The following NICN1 variants were observed in gnomAD, a reference collection of about 807,000 sequenced individuals.
The protein encoded by NICN1 is nicolin-1.
In NICN1, 18 loss-of-function variants were observed where a neutral mutation model predicts 26.3. That is an observed-to-expected ratio of 0.68 (90% CI 0.47 to 1.01). NICN1 has a LOEUF of 1.01. Ranked by LOEUF, NICN1 falls within the 50% of genes least tolerant of loss-of-function variation. The probability of loss-of-function intolerance (pLI) is 0.00; values close to 1 mark genes in which losing one functional copy is unlikely to be tolerated. For synonymous variants in NICN1, 109 were observed against 111.0 expected (o/e 0.98, Z 0.11); for missense variants, 239 against 278.3 (o/e 0.86, Z 1.00).
chr3:49,426,272 C>G lies in NICN1; in HGVS notation c.289G>C (p.Val97Leu). The G allele has an allele frequency of 6.2e-7, 1 of 1,614,152 alleles. No homozygotes were observed. The highest frequency in any genetic ancestry group is 1.3e-5 in the African/African-American group (1 of 75,058). The part of the protein sequence containing the change: ...PHSEEGAQEY[V>L]SLFKHQMLCD... ...CTGACCTGATGCTTGAACAGCGATA[C>G]ATACTCCTGGGCTCCCTCCTCACTG... Residue 97 changes from valine to leucine, a missense_variant, in exon 2 of 6, where the codon GTA becomes CTA. Physicochemically the swap from Val to Leu is conservative, Grantham distance 32. Transcript: ENST00000273598.
In NICN1 at chr3:49,425,941, G is replaced by A; in HGVS notation, c.365C>T (p.Ser122Leu). The change falls in exon 3 of 6, where the codon TCA becomes TTA. Residue 122 changes from serine (S) to leucine (L), a missense_variant. Transcript: ENST00000273598. Reference protein sequence around the residue: ...SELRLILRQPSPLWLSFTVEE... With the variant: ...SELRLILRQPLPLWLSFTVEE... ...CACTGTGAAAGACAGCCACAGTGGT[G>A]ATGGCTGCCGCAGAATCAGGCGTAG... The A allele has an allele frequency of 6.2e-7, 1 of 1,612,314 alleles. No individual in the cohort carries two copies. Among genetic ancestry groups the A allele is most frequent in the Non-Finnish European group, 8.5e-7 (1 of 1,178,558 alleles).
At position 49,429,278 on chromosome 3, in the gene NICN1, G is replaced by C; in HGVS notation, c.-39C>G. ...GCAACTAAGTGCAACCGCCGCTCTA[G>C]GCCCCCGACCACCAGCCCTTCCCGG... On this transcript the variant is annotated 5_prime_UTR_variant, in exon 1 of 6. Transcript: ENST00000273598. 6.4e-7 allele frequency: 1 copy of C among 1,559,038 alleles called. No individual in the cohort carries two copies. Among genetic ancestry groups the C allele is most frequent in the Non-Finnish European group, 8.7e-7 (1 of 1,149,286 alleles).
rs1211293663 is a variant in NICN1 at position 49,425,444 on chromosome 3, A to G, written c.424-6T>C. The G allele has an allele frequency of 6.2e-7, 1 of 1,608,130 alleles. No individual in the cohort carries two copies. Among genetic ancestry groups the G allele is most frequent in the Non-Finnish European group, 8.5e-7 (1 of 1,177,476 alleles). ...GGAAAGGTCACGGAGGGGCTCTGCA[A>G]AGCAAAGATGTACTGCCCTGAGTGA... On this transcript the variant is annotated splice_polypyrimidine_tract_variant and splice_region_variant and intron_variant, in intron 3 of 5. Coordinates refer to ENST00000273598, the MANE Select transcript of NICN1 (RefSeq NM_032316.3).
rs530459395 is a variant in NICN1 at position 49,426,785 on chromosome 3, C to A, written c.133-357G>T. Among the ~76,000 whole-genome samples, 3 of 152,208 alleles carry A rather than the reference C, an allele frequency of 2.0e-5. No individual in the cohort carries two copies. The South Asian group carries it at 6.2e-4, about 32-fold the overall frequency. On this transcript the variant is annotated intron_variant, in intron 1 of 5. Coordinates refer to ENST00000273598, the MANE Select transcript of NICN1 (RefSeq NM_032316.3). ...CCTTAGGTGATCCACCTGCCTCTTC[C>A]CCTTTCAATGTACTCTTCTACTAAA... is the stretch of plus-strand genomic sequence containing the variant.
In NICN1 at chr3:49,422,732, C is replaced by T. The variant is rs546755386; in HGVS notation, c.*2101G>A. ...AGAACAAAGCTAGGGGCTAGACCGC[C>T]CCCTGCAGAACCGCCCTGTCTCCAG... On this transcript the variant is annotated 3_prime_UTR_variant, in exon 6 of 6. Transcript: ENST00000273598. 12 of 568,798 alleles carry T rather than the reference C, an allele frequency of 2.1e-5. No individual in the cohort carries two copies. In the East Asian group the frequency reaches 3.6e-4, roughly 17 times the overall value. The allele number at this position is 568,798 out of a possible 1,614,324, so 35.2% of individuals were successfully genotyped here.
chr3:49,422,582 C>A lies in NICN1; in HGVS notation c.*2251G>T. ...AGGATCTGAAGGGGGCGTGGGCAGC[C>A]CCAAGGGCAGGCTGGGATTTAGAGC... On this transcript the variant is annotated 3_prime_UTR_variant, in exon 6 of 6. Coordinates refer to ENST00000273598, the MANE Select transcript of NICN1 (RefSeq NM_032316.3). 1 of 982,946 alleles carries A rather than the reference C, an allele frequency of 1.0e-6. No individual in the cohort carries two copies. 60.9% of individuals were successfully genotyped at this position (982,946 alleles called of 1,614,324 possible). A position where few individuals can be genotyped will look rare whatever the true frequency, so the allele number is the denominator to read the frequency against.
Position 49,426,259 on chromosome 3 carries a change from T to A in NICN1, c.302A>T (p.Lys101Met). The A allele has an allele frequency of 6.2e-7, 1 of 1,614,010 alleles. No individual in the cohort carries two copies. Among genetic ancestry groups the A allele is most frequent in the South Asian group, 1.1e-5 (1 of 91,048 alleles). Residue 101 changes from lysine to methionine, a missense_variant, in exon 2 of 6, where the codon AAG becomes ATG. By Grantham distance (95) the Lys-to-Met change is moderately conservative. Transcript: ENST00000273598. The stretch of plus-strand genomic sequence containing the variant: ...TCCTGAGGCCCAGCTGACCTGATGC[T>A]TGAACAGCGATACATACTCCTGGGC... ...EGAQEYVSLF[K>M]HQMLCDMARI...
At chr3:49,426,095 G>C (rs1215434300) in intron 2 of NICN1, 99 bp from the exon 3 acceptor site, 2 of 1,118,540 alleles carry the variant, frequency 1.8e-6, no homozygotes. Flanking sequence ...CACAGGCCTT[G>C]GGAAGGAAGG....
rs182268765 is a variant in NICN1 at position 49,426,128 on chromosome 3, T to C, written c.309+124A>G. ...AGGAACAGTAGTCCCTCCAAGGCAC[T>C]TCCCTGGAAGTCACAGTTCAGGCCA... On this transcript the variant is annotated intron_variant, in intron 2 of 5. Transcript: ENST00000273598. The C allele has an allele frequency of 6.1e-5, 71 of 1,170,814 alleles. 1 individual carries two copies. Among genetic ancestry groups the C allele is most frequent in the Middle Eastern group, 4.0e-4 (2 of 5,046 alleles). 72.5% of individuals were successfully genotyped at this position (1,170,814 alleles called of 1,614,324 possible). A position where few individuals can be genotyped will look rare whatever the true frequency, so the allele number is the denominator to read the frequency against.
intron 1 of NICN1, among the ~76,000 whole-genome samples, chr3:49,426,909 C>T (rs566129923): frequency 6.6e-6 from 1 of 152,322 alleles, no homozygotes; most frequent in East Asian, 1.9e-4. Context: ...CAAACCACGA[C>T]TGCAGATCTT....
chr3:49,427,867 G>C (rs1454252599), intron 1 of NICN1, among the ~76,000 whole-genome samples: 1 of 152,086 alleles, frequency 6.6e-6, no homozygotes, highest in Non-Finnish European at 1.5e-5. Context: ...GGATTTCCAA[G>C]GTTGGGCTCT....
intron 1 of NICN1, 101 bp from the exon 2 acceptor site, chr3:49,426,529 C>CT (rs113679342): frequency 0.077 from 48,873 of 634,122 alleles, no homozygotes; most frequent in East Asian, 0.087. Context: ...CCCACCTTTT[C>CT]TTTTTTTTTT....
In NICN1 at chr3:49,422,894, A is replaced by C; in HGVS notation, c.*1939T>G. 3 of 303,864 alleles carry C rather than the reference A, an allele frequency of 9.9e-6. No individual in the cohort carries two copies. The highest frequency in any genetic ancestry group is 3.0e-5 in the South Asian group (1 of 33,292). The allele number at this position is 303,864 out of a possible 1,614,324, so 18.8% of individuals were successfully genotyped here. A position where few individuals can be genotyped will look rare whatever the true frequency, so the allele number is the denominator to read the frequency against. On this transcript the variant is annotated 3_prime_UTR_variant, in exon 6 of 6. Transcript: ENST00000273598. ...ACCACAGTAGTCTGTCCTCATGTGG[A>C]CCCCTAGTTCCACAGCTCTCCCACC...
Position 49,429,192 on chromosome 3 carries a change from G to A in NICN1, c.48C>T (p.Leu16=). The A allele has an allele frequency of 6.2e-7, 1 of 1,611,480 alleles. No homozygotes were observed. The highest frequency in any genetic ancestry group is 8.5e-7 in the Non-Finnish European group (1 of 1,178,972). Residue 16 remains leucine, a synonymous_variant, in exon 1 of 6, where the codon CTC becomes CTT. Coordinates refer to ENST00000273598, the MANE Select transcript of NICN1 (RefSeq NM_032316.3). ...VPCHVKGSVA[L]QVGDVRTSQG... ...GGGAGGTCCGCACGTCGCCCACCTG[G>A]AGGGCTACGGAGCCTTTCACATGGC... is the stretch of plus-strand genomic sequence containing the variant.
At chr3:49,427,987 C>T (rs904333132) in intron 1 of NICN1, among the ~76,000 whole-genome samples, 15 of 151,988 alleles carry the variant, frequency 9.9e-5, no homozygotes, top group Non-Finnish European at 1.3e-4. Flanking sequence ...TGGCTCATGC[C>T]GTGGGTGGAT....
At position 49,425,397 on chromosome 3, in the gene NICN1, C is replaced by G; in HGVS notation, c.465G>C (p.Val155=). ...GGAGGAGTGCAGGTTGCTCACAGGG[C>G]ACTGGGTGGGAGAGCCACTTGGGAA... ...VTFPKWLSHP[V]PCEQPALLRE... The change falls in exon 4 of 6, where the codon GTG becomes GTC. Residue 155 remains valine, a synonymous_variant. Coordinates refer to ENST00000273598, the MANE Select transcript of NICN1 (RefSeq NM_032316.3). The G allele has an allele frequency of 6.2e-7, 1 of 1,613,298 alleles. No individual in the cohort carries two copies. Among genetic ancestry groups the G allele is most frequent in the South Asian group, 1.1e-5 (1 of 90,744 alleles).
chr3:49,426,237 T>G lies in NICN1; in HGVS notation c.309+15A>C, dbSNP rs1480197524. On this transcript the variant is annotated intron_variant, in intron 2 of 5. Transcript: ENST00000273598. The stretch of plus-strand genomic sequence containing the variant: ...CTCATCTGGGCTGCCCTGGCCATCC[T>G]GAGGCCCAGCTGACCTGATGCTTGA... 4.3e-6 allele frequency: 7 copies of G among 1,612,872 alleles called. No homozygotes were observed. The highest frequency in any genetic ancestry group is 5.9e-6 in the Non-Finnish European group (7 of 1,179,406).
rs1287653717 is a variant in NICN1 at position 49,422,752 on chromosome 3, C to T, written c.*2081G>A. ...ACCGCCCCCTGCAGAACCGCCCTGT[C>T]TCCAGAGGGTCAAAGTTCTGGAAAG... On this transcript the variant is annotated 3_prime_UTR_variant, in exon 6 of 6. Transcript: ENST00000273598. The T allele has an allele frequency of 6.2e-5, 32 of 515,446 alleles. No homozygotes were observed. The highest frequency in any genetic ancestry group is 2.2e-4 in the East Asian group (6 of 26,940). 31.9% of individuals were successfully genotyped at this position (515,446 alleles called of 1,614,324 possible). A position where few individuals can be genotyped will look rare whatever the true frequency, so the allele number is the denominator to read the frequency against.
rs907712325 is a variant in NICN1 at position 49,422,524 on chromosome 3, G to A, written c.*2309C>T. On this transcript the variant is annotated 3_prime_UTR_variant, in exon 6 of 6. Transcript: ENST00000273598. ...AGGCACGCCGGGAGATGTAGTCCAGGCCTCTGCTCGGACAGGTCTCTCTCC... is the reference window on the plus strand; with the variant it reads ...AGGCACGCCGGGAGATGTAGTCCAGACCTCTGCTCGGACAGGTCTCTCTCC... 1.4e-6 allele frequency: 2 copies of A among 1,472,914 alleles called. No individual in the cohort carries two copies. Among genetic ancestry groups the A allele is most frequent in the Non-Finnish European group, 1.9e-6 (2 of 1,067,568 alleles). 91.2% of individuals were successfully genotyped at this position (1,472,914 alleles called of 1,614,324 possible). A position where few individuals can be genotyped will look rare whatever the true frequency, so the allele number is the denominator to read the frequency against.
Sources: allele counts gnomAD v4.1 joint callset (sites outside exome capture counted in the v4.1 genomes callset), GRCh38; gene constraint gnomAD v4.1.1; transcripts MANE v1.5; gene names NCBI Gene and HGNC (gene_info 2026-07-23, HGNC 2026-07-21).